TAF1: variants seen among roughly 807,000 people sequenced by gnomAD.
TAF1 encodes the protein transcription initiation factor TFIID subunit 1.
In TAF1, 2 loss-of-function variants were observed where a neutral mutation model predicts 138.5. That is an observed-to-expected ratio of 0.01 (90% confidence interval 0.01 to 0.05). TAF1 has a LOEUF of 0.05. Ranked by LOEUF, TAF1 falls within the 10% of genes least tolerant of loss-of-function variation. The pLI, the probability that TAF1 is intolerant of heterozygous loss-of-function variation, is 1.00. For missense variants in TAF1, 709 were observed against 1,478.0 expected (o/e 0.48, Z 8.53); for synonymous variants, 437 against 503.2 (o/e 0.87, Z 1.76).
At chrX:71,420,237 C>T in intron 28 of TAF1, 7 of 831,660 alleles carry the variant, frequency 8.4e-6, no homozygotes, top group Non-Finnish European at 1.3e-5. Context: ...ATCTGTTGTG[C>T]TGATTCCTGG....
At chrX:71,455,090 T>C in intron 34 of TAF1, 15 of 1,111,959 alleles carry the variant, frequency 1.3e-5, no homozygotes, top group Non-Finnish European at 1.8e-5. Context: ...GGTGGGGCCT[T>C]AGTTGTTTAG....
intron 13 of TAF1, among the ~76,000 whole-genome samples, chrX:71,472,276 TTTAC>T (rs2038904163): frequency 1.8e-5 from 2 of 112,498 alleles, no homozygotes; most frequent in African/African-American, 6.5e-5. Context: ...TTTATCCTTA[TTTAC>T]TTAGCCATTT....
Position 71,460,599 on chromosome X carries a change from T to C in TAF1, c.5222-27T>C, listed in dbSNP as rs775431624. The C allele has an allele frequency of 2.5e-6, 3 of 1,206,410 alleles. No homozygotes were observed. The South Asian group carries it at 5.4e-5, about 22-fold the overall frequency. ...TAAATCTGTCAAGCTTAACTCTTGA[T>C]GACCCAGAATCTGTCTCTTTTTACA... On this transcript the variant is annotated intron_variant, in intron 36 of 37. Transcript: ENST00000423759.
Position 71,375,237 on chromosome X carries a change from A to C in TAF1, c.423A>C (p.Pro141=). ...IDCKLMPPPP[P]PPGPMKKDKD... is the part of the protein sequence containing the mutation. The stretch of plus-strand genomic sequence containing the variant: ...GCAAGTTGATGCCTCCTCCACCTCC[A>C]CCCCCGGGACCAATGAAGAAGGATA... The change falls in exon 4 of 38, where the codon CCA becomes CCC. Residue 141 remains proline (P), a synonymous_variant. Coordinates refer to ENST00000423759, the MANE Select transcript of TAF1 (RefSeq NM_004606.5). 8.3e-7 allele frequency: 1 copy of C among 1,210,494 alleles called. No homozygotes were observed. The highest frequency in any genetic ancestry group is 2.2e-5 in the Admixed American group (1 of 45,807).
intron 28 of TAF1, chrX:71,413,906 C>G (rs2035922006): frequency 8.9e-6 from 1 of 111,781 alleles, no homozygotes; most frequent in African/African-American, 3.2e-5. Context: ...CTCCTCTTGG[C>G]CAGCAGTGTC....
intron 32 of TAF1, among the ~76,000 whole-genome samples, chrX:71,453,499 G>C (rs1009669283): frequency 9.3e-6 from 1 of 107,749 alleles, no homozygotes; most frequent in Admixed American, 1.0e-4. Flanking sequence ...ATTCCAGCCT[G>C]GGTGACGGAG....
chrX:71,524,000 G>A (rs1473777549), intron 13 of TAF1, among the ~76,000 whole-genome samples: 1 of 103,237 alleles, frequency 9.7e-6, no homozygotes, highest in Non-Finnish European at 2.0e-5. Flanking sequence ...TTGAGAACAA[G>A]TTCACAACTG....
intron 35 of TAF1, chrX:71,459,243 C>T (rs2038440562): frequency 1.8e-6 from 2 of 1,129,637 alleles, no homozygotes; most frequent in African/African-American, 1.8e-5. Context: ...ACCTAAGACT[C>T]CAGCCCCAGT....
chrX:71,420,658 A>G (rs2036283364), intron 28 of TAF1: 5 of 1,176,143 alleles, frequency 4.3e-6, no homozygotes, highest in Non-Finnish European at 5.8e-6. Context: ...CCGGATCCTC[A>G]ATGGCGCTGT....
chrX:71,393,120 A>G (rs2034653205), intron 20 of TAF1, 126 bp downstream of exon 20: 3 of 1,072,637 alleles, frequency 2.8e-6, no homozygotes, highest in Non-Finnish European at 3.7e-6. Flanking sequence ...TAAGTCTTAG[A>G]TATTGTTTTA....
chrX:71,385,779 A>G (rs2034179747), intron 14 of TAF1, among the ~76,000 whole-genome samples: 1 of 111,510 alleles, frequency 9.0e-6, no homozygotes, highest in Non-Finnish European at 1.9e-5. Flanking sequence ...TCATCTTTGT[A>G]TTGTTCTTCT....
At chrX:71,426,469 G>A (rs769901177) in intron 32 of TAF1, among the ~76,000 whole-genome samples, 2 of 111,522 alleles carry the variant, frequency 1.8e-5, no homozygotes, top group African/African-American at 3.2e-5. Context: ...TAATCCCAGC[G>A]CTTTGGGAGG....
At chrX:71,428,055 G>A (rs1348711691) in intron 32 of TAF1, among the ~76,000 whole-genome samples, 13 of 80,648 alleles carry the variant, frequency 1.6e-4, no homozygotes, top group East Asian at 4.4e-4. Flanking sequence ...TTGCTCTGTC[G>A]CCCAGGCTAG....
chrX:71,391,384 A>C (rs1231995152), intron 18 of TAF1, among the ~76,000 whole-genome samples: 1 of 110,890 alleles, frequency 9.0e-6, no homozygotes, highest in Non-Finnish European at 1.9e-5. Flanking sequence ...GAATTTCAGA[A>C]ATTAAGAATT....
At chrX:71,444,032 G>C (rs1431588063) in intron 32 of TAF1, among the ~76,000 whole-genome samples, 1 of 110,893 alleles carries the variant, frequency 9.0e-6, no homozygotes, top group East Asian at 2.8e-4. Context: ...TTTTGAGACG[G>C]AGTCTTGCTC....
rs1489249228 is a variant in TAF1 at position 71,465,626 on chromosome X, G to A, written c.*1580G>A. The A allele has an allele frequency of 8.9e-6, 1 of 112,151 alleles. No individual in the cohort carries two copies. The highest frequency in any genetic ancestry group is 3.2e-5 in the African/African-American group (1 of 30,880). The allele number at this position is 112,151 out of a possible 1,213,427, so 9.2% of individuals were successfully genotyped here. Reference sequence around the variant, plus strand: ...TATCATCACAAGCTTTGTGTTTGATGTTAATGTGTATGATTTTTATATTAT... The same window carrying A: ...TATCATCACAAGCTTTGTGTTTGATATTAATGTGTATGATTTTTATATTAT... On this transcript the variant is annotated 3_prime_UTR_variant, in exon 38 of 38. Coordinates refer to ENST00000423759, the MANE Select transcript of TAF1 (RefSeq NM_004606.5).
chrX:71,417,044 A>G (rs1482526028), intron 28 of TAF1, among the ~76,000 whole-genome samples: 2 of 108,953 alleles, frequency 1.8e-5, no homozygotes, highest in South Asian at 3.9e-4. Flanking sequence ...AAAAAATTTC[A>G]TATTGAAACT....
At chrX:71,423,089 G>C (rs2036436711) in intron 29 of TAF1, 28 bp from the exon 30 acceptor site, 1 of 1,210,341 alleles carries the variant, frequency 8.3e-7, no homozygotes, top group Non-Finnish European at 1.1e-6. Context: ...GGAAACCTCT[G>C]TCTTGGCTTT....
chrX:71,502,218 G>A (rs2039522839), intron 13 of TAF1, among the ~76,000 whole-genome samples: 1 of 111,706 alleles, frequency 9.0e-6, no homozygotes, highest in Non-Finnish European at 1.9e-5. Flanking sequence ...CCTTTAGCTA[G>A]ACACACAGTG....
Sources: gnomAD v4.1 joint callset for allele counts (sites outside exome capture counted in the v4.1 genomes callset) on GRCh38, gnomAD v4.1.1 for gene constraint, MANE v1.5 for transcripts, NCBI Gene and HGNC (gene_info 2026-07-23, HGNC 2026-07-21) for gene names.